PTGER3: variants seen among roughly 807,000 people sequenced by gnomAD.
PTGER3 encodes the protein prostaglandin E2 receptor EP3 subtype.
In PTGER3, 22 loss-of-function variants were observed where a neutral mutation model predicts 34.7. The ratio of observed to expected loss-of-function variants is 0.63; its 90% CI spans 0.45 to 0.91. PTGER3 has a LOEUF of 0.91. Ranked by LOEUF, PTGER3 falls within the 40% of genes least tolerant of loss-of-function variation. The probability of loss-of-function intolerance (pLI) is 0.00; values close to 1 mark genes in which losing one functional copy is unlikely to be tolerated. For missense variants in PTGER3, 468 were observed against 519.4 expected, an observed-to-expected ratio of 0.90 and a Z score of 0.96; for synonymous variants, 241 against 230.1, an observed-to-expected ratio of 1.05 and a Z score of -0.43.
chr1:71,008,581 G>T (rs1376642818), intron 2 of PTGER3: 8 of 983,638 alleles, frequency 8.1e-6, no homozygotes, highest in Non-Finnish European at 9.7e-6. Context: ...ATTAAATTTT[G>T]TAAATTGGCT....
Position 71,012,435 on chromosome 1 carries a change from T to C in PTGER3, c.947A>G (p.Lys316Arg). ...IFNQTSVEHC[K>R]THTEKQKECN... Reference sequence around the variant, plus strand: ...TTCTTTCTGCTTCTCCGTGTGTGTCTTGCAGTGCTCAACTGATGTCTGATT... The same window carrying C: ...TTCTTTCTGCTTCTCCGTGTGTGTCCTGCAGTGCTCAACTGATGTCTGATT... Residue 316 changes from lysine (K) to arginine (R), a missense_variant, in exon 2 of 4, where the codon AAG (lysine) becomes AGG (arginine). Around this residue, in one of 5 missense-constraint regions of PTGER3, gnomAD observed 204 missense variants for 230.8 expected, o/e 0.88. Coordinates refer to ENST00000306666, the MANE Select transcript of PTGER3 (RefSeq NM_198719.2). 2 of 1,614,158 alleles carry C rather than the reference T, an allele frequency of 1.2e-6. No individual in the cohort carries two copies. Among genetic ancestry groups the C allele is most frequent in the East Asian group, 4.5e-5 (2 of 44,884 alleles).
chr1:71,005,576 T>C (rs1397247721), intron 2 of PTGER3, among the ~76,000 whole-genome samples: 1 of 152,194 alleles, frequency 6.6e-6, no homozygotes, highest in Admixed American at 6.5e-5. Flanking sequence ...TTTTATTAAT[T>C]CTTGGGTCTT....
chr1:71,021,648 T>C (rs963181861), intron 1 of PTGER3, among the ~76,000 whole-genome samples: 3 of 151,874 alleles, frequency 2.0e-5, no homozygotes, highest in African/African-American at 7.3e-5. Flanking sequence ...TCCCAAAATA[T>C]AGTTTCATTT....
At chr1:70,864,571 G>T (rs892695234) in intron 4 of PTGER3, among the ~76,000 whole-genome samples, 1 of 152,200 alleles carries the variant, frequency 6.6e-6, no homozygotes, top group African/African-American at 2.4e-5. Flanking sequence ...ACAAACATTT[G>T]TTCCACATAC....
At chr1:70,854,872 T>G (rs1645765643) in intron 4 of PTGER3, among the ~76,000 whole-genome samples, 1 of 152,194 alleles carries the variant, frequency 6.6e-6, no homozygotes, top group African/African-American at 2.4e-5. Flanking sequence ...TTGTGCACTG[T>G]CAATGGGAAT....
chr1:70,875,653 C>T (rs756731697), intron 4 of PTGER3, among the ~76,000 whole-genome samples: 3 of 152,094 alleles, frequency 2.0e-5, no homozygotes, highest in Non-Finnish European at 4.4e-5. Context: ...GACACAGTGC[C>T]TGATATTCCT....
At chr1:70,880,443 A>C (rs562652969) in intron 4 of PTGER3, among the ~76,000 whole-genome samples, 35 of 150,634 alleles carry the variant, frequency 2.3e-4, no homozygotes, top group African/African-American at 8.5e-4. Flanking sequence ...TAACCCTAGC[A>C]CTTTAGGAGG....
In PTGER3 at chr1:71,012,421, T is replaced by G. The variant is rs1428611207; in HGVS notation, c.961A>C (p.Lys321Gln). Residue 321 changes from lysine (K) to glutamine (Q), a missense_variant, in exon 2 of 4, where the codon AAG (lysine) becomes CAG (glutamine). Lys to Gln is a moderately conservative substitution (Grantham distance 53, BLOSUM62 1). Transcript: ENST00000306666. ...AAGAAGAAGTTGCATTCTTTCTGCT[T>G]CTCCGTGTGTGTCTTGCAGTGCTCA... is the stretch of plus-strand genomic sequence containing the variant. The part of the protein sequence containing the change: ...SVEHCKTHTE[K>Q]QKECNFFLIA... The G allele has an allele frequency of 1.2e-6, 2 of 1,614,012 alleles. No individual in the cohort carries two copies. The highest frequency in any genetic ancestry group is 2.7e-5 in the African/African-American group (2 of 74,930).
chr1:70,985,039 A>G (rs1484241933), intron 2 of PTGER3, among the ~76,000 whole-genome samples: 3 of 152,184 alleles, frequency 2.0e-5, no homozygotes, highest in African/African-American at 7.2e-5. Context: ...TGCCAACTTC[A>G]GCAGCAGGAG....
intron 1 of PTGER3, among the ~76,000 whole-genome samples, chr1:71,043,064 A>T (rs1372080054): frequency 6.6e-6 from 1 of 152,230 alleles, no homozygotes; most frequent in Non-Finnish European, 1.5e-5. Context: ...TACAAAATGT[A>T]CTCATAGCTT....
chr1:70,971,219 T>C lies in PTGER3; in HGVS notation c.*511A>G. On this transcript the variant is annotated 3_prime_UTR_variant, in exon 4 of 4. Transcript: ENST00000306666. ...CATAATTGGGCACAAATATTTTTTGTCACGATTCCCTCCTGCCCTCATTTG... is the reference window on the plus strand; with the variant it reads ...CATAATTGGGCACAAATATTTTTTGCCACGATTCCCTCCTGCCCTCATTTG... 2 of 985,450 alleles carry C rather than the reference T, an allele frequency of 2.0e-6. No individual in the cohort carries two copies. The highest frequency in any genetic ancestry group is 2.4e-6 in the Non-Finnish European group (2 of 829,942). 61.0% of individuals were successfully genotyped at this position (985,450 alleles called of 1,614,324 possible). A position where few individuals can be genotyped will look rare whatever the true frequency, so the allele number is the denominator to read the frequency against.
At chr1:70,935,956 G>A (rs867555485) in intron 4 of PTGER3, among the ~76,000 whole-genome samples, 2 of 152,082 alleles carry the variant, frequency 1.3e-5, no homozygotes, top group South Asian at 4.1e-4. Context: ...GAGTTAAAAA[G>A]TTCAGCATGG....
intron 2 of PTGER3, among the ~76,000 whole-genome samples, chr1:70,996,804 C>G (rs1338865241): frequency 6.6e-6 from 1 of 152,074 alleles, no homozygotes; most frequent in Non-Finnish European, 1.5e-5. Context: ...GGTGGGACTA[C>G]AGGCGCCCGC....
chr1:70,872,826 G>A (rs1646191585), intron 4 of PTGER3, among the ~76,000 whole-genome samples: 1 of 152,204 alleles, frequency 6.6e-6, no homozygotes, highest in African/African-American at 2.4e-5. Context: ...GTTATAGGGA[G>A]TGCCACATCA....
At chr1:70,941,143 A>G (rs1649720241) in intron 4 of PTGER3, among the ~76,000 whole-genome samples, 1 of 152,222 alleles carries the variant, frequency 6.6e-6, no homozygotes, top group African/African-American at 2.4e-5. Context: ...TATCTAATGC[A>G]ATACTCATAT....
At chr1:70,946,504 C>A (rs1345081724) in intron 4 of PTGER3, among the ~76,000 whole-genome samples, 1 of 152,164 alleles carries the variant, frequency 6.6e-6, no homozygotes, top group Non-Finnish European at 1.5e-5. Context: ...AACAATCTTG[C>A]TTCTTCCTGC....
intron 1 of PTGER3, among the ~76,000 whole-genome samples, chr1:71,015,109 A>G: frequency 6.6e-6 from 1 of 151,952 alleles, no homozygotes; most frequent in South Asian, 2.1e-4. Context: ...AACACTTTTA[A>G]TCCTCATCAT....
chr1:71,010,266 A>G, intron 2 of PTGER3: 1 of 984,426 alleles, frequency 1.0e-6, no homozygotes. Flanking sequence ...GCAGTATGAC[A>G]CTACACCCTT....
At chr1:70,998,469 A>G (rs1307655571) in intron 2 of PTGER3, 1 of 152,204 alleles carries the variant, frequency 6.6e-6, no homozygotes, top group Non-Finnish European at 1.5e-5. Flanking sequence ...CAATGTCCCC[A>G]CAACCTAGAC....
Sources: gnomAD v4.1 joint callset for allele counts (sites outside exome capture counted in the v4.1 genomes callset) on GRCh38, gnomAD v4.1.1 for gene constraint, gnomAD v4.1.1 regional missense constraint, MANE v1.5 for transcripts, NCBI Gene and HGNC (gene_info 2026-07-23, HGNC 2026-07-21) for gene names.